Variants in PGBD1 observed in about 807,000 individuals in gnomAD.
PGBD1 encodes the protein piggyBac transposable element-derived protein 1.
PGBD1 carries 25 observed loss-of-function variants against 34.7 expected under a neutral mutation model. The ratio of observed to expected loss-of-function variants is 0.72; its 90% CI spans 0.52 to 1.00. The LOEUF (loss-of-function observed/expected upper bound fraction) is 1.00, where lower values mean the gene tolerates loss of function less well. Ranked by LOEUF, PGBD1 falls within the 50% of genes least tolerant of loss-of-function variation. The pLI is 0.00. For synonymous variants in PGBD1, 292 were observed against 335.7 expected, an observed-to-expected ratio of 0.87 and a Z score of 1.42; for missense variants, 830 against 959.4, an observed-to-expected ratio of 0.87 and a Z score of 1.78.
At chr6:28,293,725 A>G (rs1037976309) in intron 4 of PGBD1, among the ~76,000 whole-genome samples, 5 of 152,216 alleles carry the variant, frequency 3.3e-5, no homozygotes, top group Non-Finnish European at 7.4e-5. Context: ...GCCACAAACC[A>G]TGCCCGTTTA....
At chr6:28,282,566 T>C (rs1480397238) in intron 1 of PGBD1, among the ~76,000 whole-genome samples, 2 of 152,188 alleles carry the variant, frequency 1.3e-5, no homozygotes, top group Non-Finnish European at 2.9e-5. Context: ...AGTAAAATTA[T>C]AAGAAGGAAA....
At chr6:28,297,658 G>T (rs1326652228) in intron 5 of PGBD1, among the ~76,000 whole-genome samples, 1 of 152,076 alleles carries the variant, frequency 6.6e-6, no homozygotes, top group African/African-American at 2.4e-5. Flanking sequence ...GCCCTGTTGG[G>T]CCCTCTCTGC....
At chr6:28,285,519 A>G (rs1180573214) in intron 2 of PGBD1, 32 bp from the exon 3 acceptor site, 7 of 1,607,422 alleles carry the variant, frequency 4.4e-6, no homozygotes, top group Non-Finnish European at 6.0e-6. Context: ...CCATATATGC[A>G]TGCCCTTTCA....
intron 4 of PGBD1, among the ~76,000 whole-genome samples, chr6:28,292,765 AAAAG>A (rs1044047465): frequency 1.3e-5 from 2 of 152,160 alleles, no homozygotes; most frequent in Non-Finnish European, 2.9e-5. Context: ...GGGTTGAAAA[AAAAG>A]AAAGAAAAAT....
At chr6:28,297,845 T>TTAAAAAATAAAAAAA in intron 5 of PGBD1, 50 bp from the exon 6 acceptor site, 1 of 283,634 alleles carries the variant, frequency 3.5e-6, no homozygotes, top group Non-Finnish European at 6.6e-6. Flanking sequence ...TTTTTTTTTT[T>TTAAAAAATAAAAAAA]CAAAATTCAC....
rs1762827351 is a variant in PGBD1, at chr6:28,301,176, A to C, written c.1322A>C (p.Asn441Thr). ...TFNLIVNETN[N>T]YASQKNVSLE... ...AACTTAATTGTCAATGAAACCAATAATTATGCTTCTCAGAAAAATGTCAGC... is the reference window on the plus strand; with the variant it reads ...AACTTAATTGTCAATGAAACCAATACTTATGCTTCTCAGAAAAATGTCAGC... The change falls in exon 7 of 7, where the codon AAT becomes ACT. Residue 441 changes from asparagine (N) to threonine (T), a missense_variant. By Grantham distance (65) the Asn-to-Thr change is moderately conservative. This residue lies in a region of PGBD1 where 1 missense variants were observed against 16.1 expected (regional missense o/e 0.06). Transcript: ENST00000682144. 6.2e-7 allele frequency: 1 copy of C among 1,614,070 alleles called. No individual in the cohort carries two copies. The highest frequency in any genetic ancestry group is 1.1e-5 in the South Asian group (1 of 91,086).
Position 28,296,899 on chromosome 6 carries a change from C to CT in PGBD1, c.727dup (p.Cys243LeufsTer17). 6.2e-7 allele frequency: 1 copy of CT among 1,614,190 alleles called. No individual in the cohort carries two copies. The highest frequency in any genetic ancestry group is 8.5e-7 in the Non-Finnish European group (1 of 1,180,020). ...ATCTGAGTCTGACTCGGAGGAACCT[C>CT]TGTGGGAACTCAGCTCAGGAGACAG... is the stretch of plus-strand genomic sequence containing the variant. On this transcript the variant is annotated frameshift_variant, in exon 5 of 7. Coordinates refer to ENST00000682144, the MANE Select transcript of PGBD1 (RefSeq NM_032507.4). LOFTEE classifies it high-confidence loss of function.
chr6:28,288,819 C>T (rs1370864430), intron 4 of PGBD1, among the ~76,000 whole-genome samples: 1 of 151,930 alleles, frequency 6.6e-6, no homozygotes, highest in Admixed American at 6.6e-5. Flanking sequence ...AAAACCCCGT[C>T]TCTACTAAAA....
intron 3 of PGBD1, among the ~76,000 whole-genome samples, chr6:28,285,986 A>T (rs942466494): frequency 2.7e-4 from 41 of 152,314 alleles, no homozygotes; most frequent in African/African-American, 9.9e-4. Flanking sequence ...ATACCCTGTG[A>T]CCAACATCAA....
At chr6:28,291,193 AAATC>A (rs1166663591) in intron 4 of PGBD1, among the ~76,000 whole-genome samples, 1 of 151,598 alleles carries the variant, frequency 6.6e-6, no homozygotes, top group Non-Finnish European at 1.5e-5. Flanking sequence ...AAGATAAACA[AAATC>A]AAGTCTTTAG....
At chr6:28,285,404 T>G in intron 2 of PGBD1, 147 bp from the exon 3 acceptor site, 1 of 730,560 alleles carries the variant, frequency 1.4e-6, no homozygotes, top group Admixed American at 3.4e-5. Flanking sequence ...TCCACTTGTT[T>G]GTTGTTTTTG....
At chr6:28,297,047 C>T in intron 5 of PGBD1, 102 bp downstream of exon 5, 1 of 1,286,882 alleles carries the variant, frequency 7.8e-7, no homozygotes, top group Non-Finnish European at 1.1e-6. Flanking sequence ...AGACCCACAC[C>T]CTTCCTTTCC....
chr6:28,285,641 C>A lies in PGBD1; in HGVS notation c.487C>A (p.Pro163Thr), dbSNP rs1293182663. The A allele has an allele frequency of 1.2e-6, 2 of 1,614,148 alleles. No homozygotes were observed. ...GGAGTGTCAGAGCCTCCAGCTCCTG[C>A]CTGGGATAACCACCCTGAAGTGTGA... ...SLECQSLQLL[P>T]GITTLKCEPP... The change falls in exon 3 of 7, where the codon CCT becomes ACT. Residue 163 changes from proline (P) to threonine (T), a missense_variant. This residue lies in a region of PGBD1 where 457 missense variants were observed against 515.4 expected (regional missense o/e 0.89). Coordinates refer to ENST00000682144, the MANE Select transcript of PGBD1 (RefSeq NM_032507.4).
chr6:28,283,239 G>A (rs1762180952), intron 1 of PGBD1, among the ~76,000 whole-genome samples: 1 of 152,156 alleles, frequency 6.6e-6, no homozygotes, highest in African/African-American at 2.4e-5. Context: ...CATTTCTGCT[G>A]TATTCCACTG....
intron 4 of PGBD1, among the ~76,000 whole-genome samples, chr6:28,295,242 C>A (rs1258448890): frequency 6.6e-6 from 1 of 152,154 alleles, no homozygotes; most frequent in Non-Finnish European, 1.5e-5. Context: ...TAAGTTACTT[C>A]TTATGGGTGA....
chr6:28,284,197 C>T lies in PGBD1; in HGVS notation c.384C>T (p.Asp128=), dbSNP rs1180911662. The T allele has an allele frequency of 1.3e-6, 2 of 1,552,496 alleles. No homozygotes were observed. Among genetic ancestry groups the T allele is most frequent in the African/African-American group, 1.4e-5 (1 of 73,162 alleles). The part of the protein sequence containing the change: ...VLENLETGSG[D]TGQQASVYIQ... ...AGAATCTAGAGACAGGAAGTGGAGA[C>T]ACAGGACAACAGGTGGGAAGAGAAT... The change falls in exon 2 of 7, where the codon GAC becomes GAT. Residue 128 remains aspartate (D), a synonymous_variant. Coordinates refer to ENST00000682144, the MANE Select transcript of PGBD1 (RefSeq NM_032507.4).
intron 4 of PGBD1, among the ~76,000 whole-genome samples, chr6:28,290,595 C>G (rs147268657): frequency 6.6e-6 from 1 of 152,160 alleles, no homozygotes; most frequent in Non-Finnish European, 1.5e-5. Flanking sequence ...CATGCTAGAT[C>G]TAATAAGCCT....
chr6:28,300,000 CAAAAA>C (rs776417092), intron 6 of PGBD1, among the ~76,000 whole-genome samples: 1 of 85,046 alleles, frequency 1.2e-5, no homozygotes, highest in African/African-American at 4.1e-5. Context: ...GACTCTGTCT[CAAAAA>C]AAAAAAAAAA....
intron 4 of PGBD1, among the ~76,000 whole-genome samples, chr6:28,294,260 G>C (rs1762560302): frequency 6.6e-6 from 1 of 152,182 alleles, no homozygotes; most frequent in Non-Finnish European, 1.5e-5. Flanking sequence ...AGCTACAGAA[G>C]AATAATCGGA....
Sources: gnomAD v4.1 joint callset for allele counts (sites outside exome capture counted in the v4.1 genomes callset) on GRCh38, gnomAD v4.1.1 for gene constraint, gnomAD v4.1.1 regional missense constraint, MANE v1.5 for transcripts, NCBI Gene and HGNC (gene_info 2026-07-23, HGNC 2026-07-21) for gene names.